ANO4: variants seen among roughly 807,000 people sequenced by gnomAD.
ANO4 encodes anoctamin 4, also known as anoctamin-4.
A neutral mutation model predicts 141.9 loss-of-function variants in ANO4; 69 were observed. That is an observed-to-expected ratio of 0.49 (90% CI 0.40 to 0.59). The LOEUF (loss-of-function observed/expected upper bound fraction) is 0.59. Among genes scored for constraint, ANO4 ranks in the 20% least tolerant of loss-of-function variants. The pLI is 0.00. For synonymous variants in ANO4, 350 were observed against 394.3 expected (o/e 0.89, Z 1.33); for missense variants, 894 against 1,162.2 (o/e 0.77, Z 3.36).
At chr12:100,802,736 A>G (rs961265347) in intron 1 of ANO4, among the ~76,000 whole-genome samples, 2 of 152,168 alleles carry the variant, frequency 1.3e-5, no homozygotes, top group African/African-American at 4.8e-5. Flanking sequence ...GAGACAGAAA[A>G]ACACATTAGC....
chr12:100,879,386 T>C (rs965757684), intron 1 of ANO4, among the ~76,000 whole-genome samples: 8 of 152,196 alleles, frequency 5.3e-5, no homozygotes, highest in African/African-American at 1.9e-4. Context: ...TGGATAACTA[T>C]TGGCTCCAGT....
chr12:101,062,474 C>G (rs1343922418), intron 14 of ANO4, among the ~76,000 whole-genome samples: 1 of 152,210 alleles, frequency 6.6e-6, no homozygotes, highest in Non-Finnish European at 1.5e-5. Flanking sequence ...TCTGCTGAAG[C>G]TGCCCCGACA....
chr12:100,938,487 A>G (rs947409854), intron 3 of ANO4, among the ~76,000 whole-genome samples: 2 of 152,232 alleles, frequency 1.3e-5, no homozygotes, highest in African/African-American at 4.8e-5. Context: ...ATAAACCCTC[A>G]GCCATTTTTA....
chr12:100,768,284 C>T lies in ANO4; in HGVS notation c.358+28179C>T, dbSNP rs544257244. On this transcript the variant is annotated intron_variant, in intron 3 of 29. Transcript: ENST00000644049. ...ATTCAGAGGGTATCTCCACACTGTG[C>T]TGGCTGGGCTTGGGAGAAGGATGAC... is the stretch of plus-strand genomic sequence containing the variant. Among the ~76,000 whole-genome samples, 5 of 152,338 alleles carry T rather than the reference C, an allele frequency of 3.3e-5. No homozygotes were observed. The East Asian group carries it at 9.6e-4, about 29-fold the overall frequency.
chr12:100,921,491 A>T (rs574237490), intron 2 of ANO4, among the ~76,000 whole-genome samples: 1 of 152,264 alleles, frequency 6.6e-6, no homozygotes, highest in East Asian at 1.9e-4. Flanking sequence ...CAAATCGGAG[A>T]CGTTCTTACT....
chr12:101,077,184 C>T (rs534414160), intron 14 of ANO4, among the ~76,000 whole-genome samples: 8 of 152,206 alleles, frequency 5.3e-5, no homozygotes, highest in Non-Finnish European at 4.4e-5. Flanking sequence ...GAGTTTCTAA[C>T]GAGCTTGCCT....
At position 101,104,617 on chromosome 12, in the gene ANO4, ATG is replaced by A. The variant is rs1566254499; in HGVS notation, c.2149+4899_2149+4900del. Among the ~76,000 whole-genome samples the A allele has an allele frequency of 3.5e-3, 185 of 53,134 alleles. 1 individual carries two copies. The highest frequency in any genetic ancestry group is 6.4e-3 in the African/African-American group (87 of 13,698). 34.9% of individuals were successfully genotyped at this position (53,134 alleles called of 152,430 possible). ...TATGTGTGTGTGTGTGTGTGTGTGT[ATG>A]TATGTGTGTATATATATATATATAT... On this transcript the variant is annotated intron_variant, in intron 22 of 27. Transcript: ENST00000392977.
At chr12:100,939,529 T>G (rs2042421783) in intron 4 of ANO4, 78 bp downstream of exon 4, 1 of 1,490,144 alleles carries the variant, frequency 6.7e-7, no homozygotes, top group Non-Finnish European at 9.1e-7. Flanking sequence ...ATGGACTGTT[T>G]AAAGTCATAA....
intron 14 of ANO4, among the ~76,000 whole-genome samples, chr12:101,073,645 T>C (rs945923569): frequency 6.6e-6 from 1 of 151,622 alleles, no homozygotes; most frequent in African/African-American, 2.4e-5. Context: ...CCTGTCCCTT[T>C]TGTGTCTGTG....
chr12:101,003,710 C>T (rs1379645549), intron 8 of ANO4, among the ~76,000 whole-genome samples: 2 of 151,966 alleles, frequency 1.3e-5, no homozygotes, highest in Non-Finnish European at 2.9e-5. Flanking sequence ...TTCTGGTGAT[C>T]TATTGTATAG....
At chr12:100,914,389 T>C (rs900127449) in intron 2 of ANO4, among the ~76,000 whole-genome samples, 2 of 152,220 alleles carry the variant, frequency 1.3e-5, no homozygotes, top group African/African-American at 4.8e-5. Context: ...TTTGAGGGAA[T>C]AGCTTTAGCC....
chr12:101,122,799 TAAGCATTTTCC>T lies in ANO4; in HGVS notation c.2676+2177_2676+2187del, dbSNP rs558011352. On this transcript the variant is annotated intron_variant, in intron 26 of 27. Transcript: ENST00000392977. ...TTATCAGGATTTCCCAACATGATCA[TAAGCATTTTCC>T]AATAGGACTGGGTATTACAAGTGGT... Among the ~76,000 whole-genome samples, 275 of 152,346 alleles carry T rather than the reference TAAGCATTTTCC, an allele frequency of 1.8e-3. 1 individual carries two copies. The highest frequency in any genetic ancestry group is 6.3e-3 in the African/African-American group (263 of 41,576).
intron 3 of ANO4, among the ~76,000 whole-genome samples, chr12:100,938,001 A>T (rs1043544800): frequency 6.6e-6 from 1 of 152,188 alleles, no homozygotes; most frequent in Non-Finnish European, 1.5e-5. Context: ...CGGTGATAAA[A>T]AGGTAAGATA....
intron 8 of ANO4, among the ~76,000 whole-genome samples, chr12:101,010,232 G>A (rs1156823290): frequency 1.3e-5 from 2 of 152,120 alleles, no homozygotes; most frequent in East Asian, 3.8e-4. Context: ...GATTTTGAGA[G>A]AGACAGAAAA....
chr12:100,828,487 A>G (rs1051713495), intron 1 of ANO4, among the ~76,000 whole-genome samples: 3 of 152,084 alleles, frequency 2.0e-5, no homozygotes, highest in Admixed American at 2.0e-4. Flanking sequence ...AAAAGATTTT[A>G]AGAAAAATGA....
Position 100,726,149 on chromosome 12 carries a change from C to T in ANO4, c.23-7625C>T, listed in dbSNP as rs186320424. 1.8e-3 allele frequency among the ~76,000 whole-genome samples: 278 copies of T among 152,226 alleles called. 1 individual carries two copies. The highest frequency in any genetic ancestry group is 6.4e-3 in the African/African-American group (265 of 41,540). ...GATGGACTTCTCCTCATGGTAGTTA[C>T]GTGATGTGTTCATTTTGTGATAATT... On this transcript the variant is annotated intron_variant, in intron 1 of 29. Transcript: ENST00000644049.
At chr12:100,795,544 A>G (rs960021781) in intron 1 of ANO4, among the ~76,000 whole-genome samples, 3 of 152,106 alleles carry the variant, frequency 2.0e-5, no homozygotes, top group South Asian at 2.1e-4. Flanking sequence ...GGATGACCCT[A>G]TATCTTGTGG....
At chr12:101,017,011 G>A (rs977210273) in intron 8 of ANO4, among the ~76,000 whole-genome samples, 1 of 152,150 alleles carries the variant, frequency 6.6e-6, no homozygotes, top group Admixed American at 6.5e-5. Flanking sequence ...CATACTCAGA[G>A]CTAAAAGTCG....
chr12:100,983,181 T>C (rs1388982411), intron 7 of ANO4, among the ~76,000 whole-genome samples: 3 of 152,282 alleles, frequency 2.0e-5, no homozygotes, highest in African/African-American at 7.2e-5. Flanking sequence ...AGATAGACTC[T>C]TGTTCCCAGA....
Sources: allele counts gnomAD v4.1 joint callset (sites outside exome capture counted in the v4.1 genomes callset), GRCh38; gene constraint gnomAD v4.1.1; transcripts MANE v1.5; gene names NCBI Gene and HGNC (gene_info 2026-07-23, HGNC 2026-07-21).